Variants in AFAP1L2 observed in about 807,000 individuals in gnomAD.
The protein encoded by AFAP1L2 is actin filament associated protein 1 like 2.
A neutral mutation model predicts 99.3 loss-of-function variants in AFAP1L2; 46 were observed. The ratio of observed to expected loss-of-function variants is 0.46; its 90% CI spans 0.37 to 0.59. AFAP1L2 has a LOEUF of 0.59. Ranked by LOEUF, AFAP1L2 falls within the 20% of genes least tolerant of loss-of-function variation. AFAP1L2 has a pLI of 0.00. For missense variants in AFAP1L2, 959 were observed against 1,034.9 expected, an observed-to-expected ratio of 0.93 and a Z score of 1.01; for synonymous variants, 397 against 419.1, an observed-to-expected ratio of 0.95 and a Z score of 0.64.
chr10:114,290,741 C>A (rs540789498), downstream of AFAP1L2, among the ~76,000 whole-genome samples: 1 of 152,094 alleles, frequency 6.6e-6, no homozygotes, highest in Non-Finnish European at 1.5e-5. Context: ...GGGATGTAGA[C>A]GGAGGCAGGG....
chr10:114,358,790 C>T (rs2051777298), intron 1 of AFAP1L2, among the ~76,000 whole-genome samples: 1 of 152,092 alleles, frequency 6.6e-6, no homozygotes, highest in Admixed American at 6.6e-5. Context: ...TGGCAGATAC[C>T]TGTAATCCCA....
At chr10:114,283,535 T>C in the AFAP1L2 span, among the ~76,000 whole-genome samples, 66 of 152,272 alleles carry the variant, frequency 4.3e-4, no homozygotes, top group African/African-American at 1.3e-3. Flanking sequence ...GAAATTAGGG[T>C]TTGAGGACTT....
intron 4 of AFAP1L2, among the ~76,000 whole-genome samples, chr10:114,324,406 C>T (rs933941738): frequency 0.019 from 2,803 of 148,312 alleles, 285 homozygotes; most frequent in African/African-American, 0.069. Context: ...ACCCCCCCCC[C>T]CCCCCCGGCT....
At chr10:114,376,817 T>C (rs558483724) in intron 1 of AFAP1L2, among the ~76,000 whole-genome samples, 1 of 152,128 alleles carries the variant, frequency 6.6e-6, no homozygotes, top group South Asian at 2.1e-4. Context: ...GACTTAAGAA[T>C]AGAGAAACAT....
chr10:114,398,829 G>A (rs1306081110), intron 1 of AFAP1L2: 2 of 1,304,192 alleles, frequency 1.5e-6, no homozygotes, highest in South Asian at 2.5e-5. Flanking sequence ...GCTGCAGAGG[G>A]CACAGACAGG....
chr10:114,298,374 T>A (rs114994017), intron 16 of AFAP1L2, among the ~76,000 whole-genome samples: 1 of 152,048 alleles, frequency 6.6e-6, no homozygotes, highest in African/African-American at 2.4e-5. Flanking sequence ...CAAGACTGTC[T>A]CAAAAAAAGA....
the AFAP1L2 span, among the ~76,000 whole-genome samples, chr10:114,281,424 C>T: frequency 1.3e-5 from 2 of 152,154 alleles, no homozygotes; most frequent in African/African-American, 2.4e-5. Flanking sequence ...TGCTGTGTTC[C>T]GGTAATTATG....
chr10:114,380,559 G>T (rs1299452751), intron 1 of AFAP1L2, among the ~76,000 whole-genome samples: 1 of 152,162 alleles, frequency 6.6e-6, no homozygotes, highest in Non-Finnish European at 1.5e-5. Context: ...ATATATAAAG[G>T]TCTAATAAAT....
intron 15 of AFAP1L2, among the ~76,000 whole-genome samples, chr10:114,299,861 T>C (rs641774): frequency 0.91 from 138,568 of 152,214 alleles, 63,209 homozygotes; most frequent in East Asian, 0.99. Flanking sequence ...TGCTTCCTGC[T>C]CTTGAACATC....
intron 1 of AFAP1L2, among the ~76,000 whole-genome samples, chr10:114,379,181 C>G (rs57543697): frequency 0.036 from 5,428 of 150,680 alleles, 329 homozygotes; most frequent in African/African-American, 0.13. Context: ...CCACTGCACT[C>G]CAGCCTGGAC....
intron 1 of AFAP1L2, among the ~76,000 whole-genome samples, chr10:114,345,326 T>C (rs1028449471): frequency 3.9e-5 from 6 of 152,132 alleles, no homozygotes; most frequent in Admixed American, 3.3e-4. Flanking sequence ...GCTCAGAAGT[T>C]GGTGCCTTAT....
chr10:114,380,883 A>G (rs1013911326), intron 1 of AFAP1L2, among the ~76,000 whole-genome samples: 4 of 152,240 alleles, frequency 2.6e-5, no homozygotes, highest in Non-Finnish European at 5.9e-5. Context: ...AAGCGAACAC[A>G]GCTAGTGGGT....
chr10:114,354,954 C>T (rs1402601379), intron 1 of AFAP1L2, among the ~76,000 whole-genome samples: 1 of 152,138 alleles, frequency 6.6e-6, no homozygotes, highest in African/African-American at 2.4e-5. Flanking sequence ...ATGGTGGCTC[C>T]ATATAAACCA....
At chr10:114,379,398 T>G (rs1284801569) in intron 1 of AFAP1L2, among the ~76,000 whole-genome samples, 1 of 151,964 alleles carries the variant, frequency 6.6e-6, no homozygotes, top group Non-Finnish European at 1.5e-5. Flanking sequence ...TCAGCAAAAT[T>G]GGGATCTTCA....
chr10:114,353,675 C>G (rs1253376237), intron 1 of AFAP1L2, among the ~76,000 whole-genome samples: 1 of 152,192 alleles, frequency 6.6e-6, no homozygotes, highest in African/African-American at 2.4e-5. Flanking sequence ...TTAAAACAGA[C>G]TGTACAGAGA....
At chr10:114,310,669 T>C (rs1311872616) in intron 7 of AFAP1L2, among the ~76,000 whole-genome samples, 1 of 152,176 alleles carries the variant, frequency 6.6e-6, no homozygotes, top group African/African-American at 2.4e-5. Context: ...TTAGCTCCTT[T>C]CCGCAGGTCC....
At chr10:114,302,218 G>A in intron 12 of AFAP1L2, 121 bp downstream of exon 12, 2 of 1,393,298 alleles carry the variant, frequency 1.4e-6, no homozygotes, top group East Asian at 2.3e-5. Flanking sequence ...ACATTTTCCT[G>A]CTGCTGGGCA....
the AFAP1L2 span, chr10:114,289,216 A>C: frequency 6.2e-7 from 1 of 1,613,836 alleles, no homozygotes; most frequent in East Asian, 2.2e-5. Context: ...CCTGCTGCAC[A>C]TCTATGACAA....
chr10:114,290,907 G>A (rs908251772), downstream of AFAP1L2, among the ~76,000 whole-genome samples: 9 of 152,204 alleles, frequency 5.9e-5, no homozygotes, highest in African/African-American at 2.2e-4. Flanking sequence ...AGGACCTAGA[G>A]AGTGATCGTT....
Sources: allele counts gnomAD v4.1 joint callset (sites outside exome capture counted in the v4.1 genomes callset), GRCh38; gene constraint gnomAD v4.1.1; transcripts MANE v1.5; gene names NCBI Gene and HGNC (gene_info 2026-07-23, HGNC 2026-07-21).